Variants in RNF146 observed in about 807,000 individuals in gnomAD.
The protein encoded by RNF146 is ring finger protein 146.
RNF146 carries 11 observed loss-of-function variants against 29.7 expected under a neutral mutation model. The ratio of observed to expected loss-of-function variants is 0.37; its 90% CI spans 0.23 to 0.61. The LOEUF (loss-of-function observed/expected upper bound fraction) is 0.61, where lower values mean the gene tolerates loss of function less well. Ranked by LOEUF, RNF146 falls within the 20% of genes least tolerant of loss-of-function variation. The probability of loss-of-function intolerance (pLI) is 0.66; values close to 1 mark genes in which losing one functional copy is unlikely to be tolerated. For synonymous variants in RNF146, 150 were observed against 159.7 expected, an observed-to-expected ratio of 0.94 and a Z score of 0.46; for missense variants, 342 against 438.9, an observed-to-expected ratio of 0.78 and a Z score of 1.97.
chr6:127,276,197 A>ACT (rs1778187400), intron 1 of RNF146, among the ~76,000 whole-genome samples: 1 of 151,956 alleles, frequency 6.6e-6, no homozygotes, highest in African/African-American at 2.4e-5. Flanking sequence ...AGAGAATCTC[A>ACT]CTCAAAGGCT....
chr6:127,283,190 G>A (rs1296821129), intron 2 of RNF146, among the ~76,000 whole-genome samples: 1 of 151,726 alleles, frequency 6.6e-6, no homozygotes, highest in Admixed American at 6.6e-5. Flanking sequence ...ATTGGAAGAA[G>A]GGGATTTATA....
At chr6:127,272,606 A>G (rs1051715640) in intron 1 of RNF146, among the ~76,000 whole-genome samples, 1 of 152,182 alleles carries the variant, frequency 6.6e-6, no homozygotes, top group African/African-American at 2.4e-5. Flanking sequence ...TATTGGTTGC[A>G]TAAGATGGCT....
intron 1 of RNF146, among the ~76,000 whole-genome samples, chr6:127,270,879 G>A (rs1777379139): frequency 1.3e-5 from 2 of 150,808 alleles, no homozygotes; most frequent in South Asian, 2.1e-4. Flanking sequence ...GCAGTGGTGC[G>A]ATCTTGGCTC....
chr6:127,268,050 A>G (rs1024674663), intron 1 of RNF146, among the ~76,000 whole-genome samples: 4 of 152,182 alleles, frequency 2.6e-5, no homozygotes, highest in African/African-American at 9.7e-5. Context: ...TCTAAGTGCC[A>G]TTTTAGTGAG....
At position 127,286,454 on chromosome 6, in the gene RNF146, G is replaced by A. The variant is rs985715538; in HGVS notation, c.3-162G>A. On this transcript the variant is annotated intron_variant, in intron 2 of 2. Transcript: ENST00000368314. This position sits in a 1 kb window ranked among gnomAD's most constrained non-coding sequence, Gnocchi z 4.6. ...TAGATGCTTACAAAAAATTTTCATC[G>A]GTTGGAGAGTTTTTCCTCTACTTTC... is the stretch of plus-strand genomic sequence containing the variant. 12 of 795,884 alleles carry A rather than the reference G, an allele frequency of 1.5e-5. No homozygotes were observed. The highest frequency in any genetic ancestry group is 4.1e-5 in the South Asian group (2 of 49,294). The allele number at this position is 795,884 out of a possible 1,614,324, so 49.3% of individuals were successfully genotyped here.
intron 1 of RNF146, among the ~76,000 whole-genome samples, chr6:127,269,789 T>C (rs1777196833): frequency 6.6e-6 from 1 of 152,186 alleles, no homozygotes; most frequent in African/African-American, 2.4e-5. Context: ...ACTCCTTTTA[T>C]GTATATATAA....
intron 1 of RNF146, among the ~76,000 whole-genome samples, chr6:127,272,633 G>A (rs1384374638): frequency 6.6e-6 from 1 of 152,142 alleles, no homozygotes; most frequent in African/African-American, 2.4e-5. Flanking sequence ...CAGCCAAGAA[G>A]AACCTGGTTG....
chr6:127,285,252 C>T (rs772380757), intron 2 of RNF146: 24 of 984,384 alleles, frequency 2.4e-5, no homozygotes, highest in Non-Finnish European at 2.9e-5. Flanking sequence ...GAACCAAGAA[C>T]ACAGAAAAGG....
intron 1 of RNF146, among the ~76,000 whole-genome samples, chr6:127,273,508 T>C (rs1312809396): frequency 6.6e-6 from 1 of 152,114 alleles, no homozygotes; most frequent in African/African-American, 2.4e-5. Context: ...TTTTTTGATG[T>C]TTCAAGACTA....
intron 2 of RNF146, 136 bp downstream of exon 2, chr6:127,280,476 T>G (rs1414087674): frequency 1.8e-5 from 24 of 1,309,542 alleles, no homozygotes; most frequent in Non-Finnish European, 1.7e-5. Context: ...TATAGGTGCT[T>G]TATTAACAAT....
chr6:127,270,901 C>T (rs1484989128), intron 1 of RNF146, among the ~76,000 whole-genome samples: 3 of 151,710 alleles, frequency 2.0e-5, no homozygotes, highest in Admixed American at 2.0e-4. Context: ...CTGCAACCTC[C>T]ACCTCCCAGA....
At chr6:127,280,112 T>A in intron 1 of RNF146, 119 bp from the exon 2 acceptor site, 1 of 527,774 alleles carries the variant, frequency 1.9e-6, no homozygotes, top group South Asian at 2.6e-5. Flanking sequence ...GGTAAAAGCA[T>A]GCATCTTGTC....
intron 1 of RNF146, among the ~76,000 whole-genome samples, chr6:127,271,073 C>T (rs2114416715): frequency 6.6e-6 from 1 of 152,256 alleles, no homozygotes; most frequent in East Asian, 1.9e-4. Flanking sequence ...CTCAGCTTCC[C>T]AAAGTGCTAA....
chr6:127,270,667 G>A (rs1166055308), intron 1 of RNF146, among the ~76,000 whole-genome samples: 1 of 152,102 alleles, frequency 6.6e-6, no homozygotes, highest in Non-Finnish European at 1.5e-5. Flanking sequence ...TTTGAACCGT[G>A]TAGTTCCACT....
At chr6:127,281,013 A>G (rs2114486526) in intron 2 of RNF146, among the ~76,000 whole-genome samples, 1 of 151,842 alleles carries the variant, frequency 6.6e-6, no homozygotes, top group Admixed American at 6.6e-5. Context: ...AATGTAGTGA[A>G]TATTTTATTG....
At chr6:127,272,773 T>G (rs1777677643) in intron 1 of RNF146, among the ~76,000 whole-genome samples, 1 of 152,216 alleles carries the variant, frequency 6.6e-6, no homozygotes, top group Non-Finnish European at 1.5e-5. Context: ...TGCCAACCCC[T>G]TGCACAATTG....
Position 127,288,194 on chromosome 6 carries a change from A to C in RNF146, c.*501A>C, listed in dbSNP as rs1779771078. On this transcript the variant is annotated 3_prime_UTR_variant, in exon 3 of 3. Transcript: ENST00000368314. Reference sequence around the variant, plus strand: ...ACTATTTTATAGTAAAGTTATTGAAATGGAAATGAAAACAGCCAGTAACTT... The same window carrying C: ...ACTATTTTATAGTAAAGTTATTGAACTGGAAATGAAAACAGCCAGTAACTT... 1 of 166,996 alleles carries C rather than the reference A, an allele frequency of 6.0e-6. No individual in the cohort carries two copies. Among genetic ancestry groups the C allele is most frequent in the Non-Finnish European group, 1.5e-5 (1 of 68,270 alleles). The allele number at this position is 166,996 out of a possible 1,614,324, so 10.3% of individuals were successfully genotyped here.
At chr6:127,277,844 C>A (rs1778434411) in intron 1 of RNF146, among the ~76,000 whole-genome samples, 1 of 152,198 alleles carries the variant, frequency 6.6e-6, no homozygotes, top group South Asian at 2.1e-4. Context: ...TCACTCCAAT[C>A]AAGTTGACAC....
chr6:127,277,963 C>T (rs1251551688), intron 1 of RNF146, among the ~76,000 whole-genome samples: 1 of 151,980 alleles, frequency 6.6e-6, no homozygotes, highest in Non-Finnish European at 1.5e-5. Flanking sequence ...ATTTAGGGGC[C>T]ACATAATGGC....
Sources: gnomAD v4.1 joint callset for allele counts (sites outside exome capture counted in the v4.1 genomes callset) on GRCh38, gnomAD v4.1.1 for gene constraint, Gnocchi (gnomAD v3.1) non-coding constraint, MANE v1.5 for transcripts, NCBI Gene and HGNC (gene_info 2026-07-23, HGNC 2026-07-21) for gene names.